The following TRPM1 variants were observed in gnomAD, a reference collection of about 807,000 sequenced individuals.
The protein encoded by TRPM1 is transient receptor potential cation channel subfamily M member 1.
In TRPM1, 113 loss-of-function variants were observed where a neutral mutation model predicts 149.4. The ratio of observed to expected loss-of-function variants is 0.76; its 90% confidence interval spans 0.65 to 0.88. The LOEUF (loss-of-function observed/expected upper bound fraction) is 0.88, where lower values mean the gene tolerates loss of function less well. Among genes scored for constraint, TRPM1 ranks in the 40% least tolerant of loss-of-function variants. The pLI is 0.00. For missense variants in TRPM1, 1,976 were observed against 2,038.7 expected (o/e 0.97, Z 0.59); for synonymous variants, 741 against 759.5 (o/e 0.98, Z 0.40).
intron 1 of TRPM1, among the ~76,000 whole-genome samples, chr15:31,154,893 T>A (rs897605903): frequency 6.6e-6 from 1 of 152,070 alleles, no homozygotes; most frequent in East Asian, 1.9e-4. Context: ...GATTTCATCC[T>A]TGACCAATCA....
chr15:31,095,511 C>T (rs1018888359), intron 1 of TRPM1, among the ~76,000 whole-genome samples: 6 of 150,506 alleles, frequency 4.0e-5, no homozygotes, highest in Non-Finnish European at 5.9e-5. Flanking sequence ...ATGGTGAAAC[C>T]TCGTCTCTAC....
Position 31,031,027 on chromosome 15 carries a change from G to A in TRPM1, c.3083C>T (p.Pro1028Leu), listed in dbSNP as rs1260540680. The change falls in exon 23 of 28, where the codon CCC becomes CTC. Residue 1028 changes from proline (P) to leucine (L), a missense_variant. Pro to Leu is a moderately conservative substitution (Grantham distance 98). Around this residue, in one of 3 missense-constraint regions of TRPM1, gnomAD observed 1,332 missense variants for 1,347.1 expected, o/e 0.99. Coordinates refer to ENST00000256552, the MANE Select transcript of TRPM1 (RefSeq NM_001252024.2). The part of the protein sequence containing the change: ...WKLARNIFYM[P>L]YWMIYGEVFA... The stretch of plus-strand genomic sequence containing the variant: ...CACCTCTCCATAGATCATCCAGTAG[G>A]GCATGTAGAAGATGTTTCGGGCCAG... The A allele has an allele frequency of 6.2e-7, 1 of 1,614,024 alleles. No homozygotes were observed. Among genetic ancestry groups the A allele is most frequent in the Non-Finnish European group, 8.5e-7 (1 of 1,180,048 alleles).
intron 1 of TRPM1, among the ~76,000 whole-genome samples, chr15:31,132,862 C>G (rs1376121864): frequency 1.3e-5 from 2 of 152,214 alleles, no homozygotes; most frequent in Admixed American, 1.3e-4. Context: ...CCTGCACTCT[C>G]TCTTGCCTGC....
At chr15:31,106,659 A>G (rs1255101434), upstream of TRPM1, among the ~76,000 whole-genome samples, 1 of 152,062 alleles carries the variant, frequency 6.6e-6, no homozygotes, top group Non-Finnish European at 1.5e-5. Context: ...CCCTGAGTGG[A>G]TGCATGAGAG....
At chr15:31,160,344 G>T (rs2036428908) in intron 1 of TRPM1, among the ~76,000 whole-genome samples, 1 of 152,174 alleles carries the variant, frequency 6.6e-6, no homozygotes, top group African/African-American at 2.4e-5. Flanking sequence ...CCCACAGCTG[G>T]TGCCTAGTCC....
Position 31,067,080 on chromosome 15 carries a change from C to G in TRPM1, c.601G>C (p.Asp201His), listed in dbSNP as rs2034397145. ...ACACTTACATCCTTTCCAACCAGGTCTTCCTTATTCTCCACGATGCCCCAT... is the reference window on the plus strand; with the variant it reads ...ACACTTACATCCTTTCCAACCAGGTGTTCCTTATTCTCCACGATGCCCCAT... Reference protein sequence around the residue: ...APWGIVENKEDLVGKDVTRVY... With the variant: ...APWGIVENKEHLVGKDVTRVY... The change falls in exon 6 of 28, where the codon GAC (aspartate) becomes CAC (histidine). Residue 201 changes from aspartate (D) to histidine (H), a missense_variant. By Grantham distance (81) the Asp-to-His change is moderately conservative. Transcript: ENST00000256552. 7 of 1,614,202 alleles carry G rather than the reference C, an allele frequency of 4.3e-6. No individual in the cohort carries two copies. The highest frequency in any genetic ancestry group is 5.9e-6 in the Non-Finnish European group (7 of 1,180,050).
chr15:31,032,661 T>G, intron 22 of TRPM1, 28 bp downstream of exon 22: 2 of 1,614,182 alleles, frequency 1.2e-6, no homozygotes, highest in Non-Finnish European at 1.7e-6. Context: ...AAAGTCTCTC[T>G]GGATACCCAC....
chr15:31,077,098 CTG>C, intron 2 of TRPM1, 114 bp from the exon 3 acceptor site: 1 of 728,320 alleles, frequency 1.4e-6, no homozygotes, highest in Non-Finnish European at 2.4e-6. Flanking sequence ...GAATAGTCAT[CTG>C]CAATAATGGT....
chr15:31,147,085 T>A (rs1371430868), intron 1 of TRPM1, among the ~76,000 whole-genome samples: 1 of 152,242 alleles, frequency 6.6e-6, no homozygotes, highest in Non-Finnish European at 1.5e-5. Flanking sequence ...GCTCAGCTCA[T>A]TGGAATTAAC....
intron 1 of TRPM1, among the ~76,000 whole-genome samples, chr15:31,114,110 C>A (rs1055385755): frequency 6.6e-6 from 1 of 152,150 alleles, no homozygotes; most frequent in Admixed American, 6.5e-5. Context: ...GACACAGAAG[C>A]CCAGCTGGCT....
At chr15:31,138,524 C>T (rs948061894) in intron 1 of TRPM1, among the ~76,000 whole-genome samples, 7 of 151,688 alleles carry the variant, frequency 4.6e-5, no homozygotes, top group South Asian at 2.1e-4. Flanking sequence ...AGGGCTGTGT[C>T]GCGAAGTCAG....
At chr15:31,114,109 G>A (rs938989843) in intron 1 of TRPM1, among the ~76,000 whole-genome samples, 2 of 152,240 alleles carry the variant, frequency 1.3e-5, no homozygotes, top group Admixed American at 6.5e-5. Context: ...GGACACAGAA[G>A]CCCAGCTGGC....
intron 2 of TRPM1, among the ~76,000 whole-genome samples, chr15:31,079,457 A>G (rs1286081408): frequency 6.6e-6 from 1 of 152,224 alleles, no homozygotes; most frequent in Admixed American, 6.5e-5. Context: ...ACTCCTTGCC[A>G]GGGAAACCGC....
chr15:31,149,045 A>G (rs539344053), intron 1 of TRPM1, among the ~76,000 whole-genome samples: 6 of 152,314 alleles, frequency 3.9e-5, no homozygotes, highest in South Asian at 2.1e-4. Flanking sequence ...CAGGTCTGAG[A>G]GTGGCTGGTT....
At chr15:31,122,806 T>C (rs1352858090) in intron 1 of TRPM1, among the ~76,000 whole-genome samples, 4 of 152,190 alleles carry the variant, frequency 2.6e-5, no homozygotes, top group African/African-American at 9.6e-5. Context: ...GCAAGTAAGT[T>C]ATTTGGGTCA....
At chr15:31,147,312 C>G (rs1188146097) in intron 1 of TRPM1, among the ~76,000 whole-genome samples, 2 of 152,204 alleles carry the variant, frequency 1.3e-5, no homozygotes, top group African/African-American at 2.4e-5. Flanking sequence ...TAACAAAGAA[C>G]CGTTCTGAAT....
Position 31,128,537 on chromosome 15 carries a change from A to C in TRPM1, c.54+32369T>G, listed in dbSNP as rs543557553. 3.3e-5 allele frequency among the ~76,000 whole-genome samples: 5 copies of C among 152,212 alleles called. No individual in the cohort carries two copies. The East Asian group carries it at 9.7e-4, about 29-fold the overall frequency. On this transcript the variant is annotated intron_variant, in intron 1 of 26. Transcript: ENST00000542188. ...AGCCTCGGGAGCTCTTTGCATTCTT[A>C]TTTCAGGTGCCACAACCCCCTTCCT...
chr15:31,068,157 G>A, intron 4 of TRPM1, 65 bp from the exon 5 acceptor site: 1 of 1,417,278 alleles, frequency 7.1e-7, no homozygotes, highest in Non-Finnish European at 1.0e-6. Context: ...AAAGGGGAGT[G>A]AGGCTATTGC....
At chr15:31,088,352 T>G (rs1485962884) in intron 1 of TRPM1, among the ~76,000 whole-genome samples, 1 of 152,170 alleles carries the variant, frequency 6.6e-6, no homozygotes, top group Non-Finnish European at 1.5e-5. Context: ...GTGGAAGCTT[T>G]CTTCTTTTTG....
Sources: allele counts gnomAD v4.1 joint callset (sites outside exome capture counted in the v4.1 genomes callset), GRCh38; gene constraint gnomAD v4.1.1; regional missense constraint gnomAD v4.1.1; transcripts MANE v1.5; gene names NCBI Gene and HGNC (gene_info 2026-07-23, HGNC 2026-07-21).